Variants in CACNA1B observed in about 807,000 individuals in gnomAD.
CACNA1B encodes the protein calcium voltage-gated channel subunit alpha1 B.
In CACNA1B, 70 loss-of-function variants were observed where a neutral mutation model predicts 247.2. The ratio of observed to expected loss-of-function variants is 0.28; its 90% CI spans 0.23 to 0.35. The LOEUF is 0.35. CACNA1B is among the 10% of genes least tolerant of loss of function. The pLI is 1.00. For synonymous variants in CACNA1B, 1,231 were observed against 1,294.4 expected, an observed-to-expected ratio of 0.95 and a Z score of 1.05; for missense variants, 2,367 against 3,197.4, an observed-to-expected ratio of 0.74 and a Z score of 6.26.
In CACNA1B at chr9:137,917,531, C is replaced by T. The variant is rs1957425798; in HGVS notation, c.966+100C>T. 8.7e-6 allele frequency: 9 copies of T among 1,035,966 alleles called. No individual in the cohort carries two copies. Among genetic ancestry groups the T allele is most frequent in the Non-Finnish European group, 1.2e-5 (8 of 694,678 alleles). 64.2% of individuals were successfully genotyped at this position (1,035,966 alleles called of 1,614,324 possible). ...AGGGGGGCCCTTCTGACCTCAGAGC[C>T]TCTGCCCAGCCCTAGGCTCCTCCCT... On this transcript the variant is annotated intron_variant, in intron 6 of 46. Transcript: ENST00000371372. The surrounding 1 kb of genome is among the most constrained non-coding windows in gnomAD (Gnocchi z 5.5).
Position 137,881,495 on chromosome 9 carries a change from G to A in CACNA1B, c.391-1249G>A, listed in dbSNP as rs1002046481. ...CAGCCCAGCAGCTGCTTCTTCCTGT[G>A]ACTTCCACAGTCCTGAAGACGAACC... On this transcript the variant is annotated intron_variant, in intron 2 of 46. Transcript: ENST00000371372. This position sits in a 1 kb window ranked among gnomAD's most constrained non-coding sequence, Gnocchi z 4.3. Among the ~76,000 whole-genome samples, 7 of 152,160 alleles carry A rather than the reference G, an allele frequency of 4.6e-5. No homozygotes were observed. Among genetic ancestry groups the A allele is most frequent in the African/African-American group, 1.4e-4 (6 of 41,422 alleles).
At chr9:138,111,340 G>A (rs376973808) in intron 39 of CACNA1B, among the ~76,000 whole-genome samples, 1 of 152,220 alleles carries the variant, frequency 6.6e-6, no homozygotes, top group South Asian at 2.1e-4. Flanking sequence ...CTACAGTTGC[G>A]TGTGGCAATG....
intron 10 of CACNA1B, among the ~76,000 whole-genome samples, chr9:137,963,380 A>G (rs561755462): frequency 6.6e-6 from 1 of 152,216 alleles, no homozygotes; most frequent in South Asian, 2.1e-4. Context: ...GCCTATTTAC[A>G]TTTAAAGTTA....
chr9:137,922,492 T>TG (rs1957498763), intron 6 of CACNA1B, among the ~76,000 whole-genome samples: 2 of 152,108 alleles, frequency 1.3e-5, no homozygotes, highest in Admixed American at 1.3e-4. Context: ...CCCGGACTGT[T>TG]GCGTTTGATA....
At chr9:137,934,853 T>C (rs145056722) in intron 6 of CACNA1B, among the ~76,000 whole-genome samples, 3,032 of 152,200 alleles carry the variant, frequency 0.02, 71 homozygotes, top group African/African-American at 0.054. Flanking sequence ...AGACCTTCCC[T>C]CTGACAGAGC....
At chr9:138,053,134 G>C (rs748817433) in intron 25 of CACNA1B, among the ~76,000 whole-genome samples, 6 of 152,226 alleles carry the variant, frequency 3.9e-5, no homozygotes, top group Admixed American at 6.5e-5. Context: ...TGCCCAAATT[G>C]CTTCCCTGAT....
chr9:138,008,856 G>A (rs993564470), intron 16 of CACNA1B, among the ~76,000 whole-genome samples: 2 of 152,236 alleles, frequency 1.3e-5, no homozygotes, highest in Admixed American at 6.5e-5. Flanking sequence ...TCAAGTGGAC[G>A]GAGACCAAGG....
At chr9:138,036,630 C>G (rs181172156) in intron 20 of CACNA1B, among the ~76,000 whole-genome samples, 1 of 152,298 alleles carries the variant, frequency 6.6e-6, no homozygotes, top group Admixed American at 6.5e-5. Context: ...AGAAGCCAGT[C>G]ATTCGTCTAA....
intron 3 of CACNA1B, among the ~76,000 whole-genome samples, chr9:137,884,962 C>CA (rs879267488): frequency 2.8e-5 from 3 of 109,086 alleles, no homozygotes; most frequent in Non-Finnish European, 4.1e-5. Flanking sequence ...CCTCTTCCCC[C>CA]CCCCCCTCCT....
At chr9:137,897,052 G>A (rs546247471) in intron 3 of CACNA1B, among the ~76,000 whole-genome samples, 1 of 152,170 alleles carries the variant, frequency 6.6e-6, no homozygotes, top group South Asian at 2.1e-4. Context: ...AGTCTTGCTG[G>A]AAATTTGTCA....
At chr9:138,094,740 T>C (rs74850267) in intron 36 of CACNA1B, among the ~76,000 whole-genome samples, 23 of 152,160 alleles carry the variant, frequency 1.5e-4, no homozygotes, top group Non-Finnish European at 2.9e-4. Context: ...GATAGATACA[T>C]AGGCCAATTA....
In CACNA1B at chr9:138,118,078, A is replaced by C. The variant is rs1961934326; in HGVS notation, c.5910A>C (p.Ala1970=). The C allele has an allele frequency of 6.5e-7, 1 of 1,529,530 alleles. No homozygotes were observed. The allele number at this position is 1,529,530 out of a possible 1,614,324, so 94.7% of individuals were successfully genotyped here. A position where few individuals can be genotyped will look rare whatever the true frequency, so the allele number is the denominator to read the frequency against. Residue 1970 remains alanine, a synonymous_variant, in exon 43 of 47, where the codon GCA becomes GCC. Coordinates refer to ENST00000371372, the MANE Select transcript of CACNA1B (RefSeq NM_000718.4). ...STEIPVGRSG[A]LAVDVQMQSI... ...AGATCCCTGTGGGGCGGTCAGGAGC[A>C]CTGGTGAGCACTCCCGGGGGCTAGT...
chr9:137,995,381 A>G (rs1257566209), intron 15 of CACNA1B, among the ~76,000 whole-genome samples: 1 of 152,208 alleles, frequency 6.6e-6, no homozygotes, highest in Non-Finnish European at 1.5e-5. Context: ...ATCAACCCAA[A>G]TACTTACAGC....
chr9:137,967,404 C>A (rs1260375720), intron 10 of CACNA1B, among the ~76,000 whole-genome samples: 1 of 152,228 alleles, frequency 6.6e-6, no homozygotes, highest in Non-Finnish European at 1.5e-5. Context: ...AGACTGCCCC[C>A]ACAGGCTCCC....
chr9:138,084,522 A>G (rs1434892617), intron 36 of CACNA1B, among the ~76,000 whole-genome samples: 2 of 151,294 alleles, frequency 1.3e-5, no homozygotes, highest in Non-Finnish European at 2.9e-5. Context: ...GGGAGACTAT[A>G]CCACTGCACC....
chr9:138,113,569 A>G (rs1273225787), intron 40 of CACNA1B, among the ~76,000 whole-genome samples: 3 of 140,854 alleles, frequency 2.1e-5, no homozygotes, highest in Non-Finnish European at 4.6e-5. Flanking sequence ...AAGGTGCCCA[A>G]CTGCATCTTG....
At chr9:137,906,758 G>A (rs1278625489) in intron 3 of CACNA1B, among the ~76,000 whole-genome samples, 1 of 151,956 alleles carries the variant, frequency 6.6e-6, no homozygotes, top group East Asian at 1.9e-4. Flanking sequence ...CTGCATCCCT[G>A]TGTGATGTCT....
chr9:137,950,418 G>A lies in CACNA1B; in HGVS notation c.967-1856G>A, dbSNP rs143535658. 4.4e-3 allele frequency among the ~76,000 whole-genome samples: 675 copies of A among 152,326 alleles called. 5 individuals carry two copies. Among genetic ancestry groups the A allele is most frequent in the African/African-American group, 0.015 (632 of 41,582 alleles). On this transcript the variant is annotated intron_variant, in intron 6 of 46. Coordinates refer to ENST00000371372, the MANE Select transcript of CACNA1B (RefSeq NM_000718.4). This position sits in a 1 kb window ranked among gnomAD's most constrained non-coding sequence, Gnocchi z 4.8. ...GTCCCGTGTGGTCTTCACTAGTACC[G>A]CGGAGGTGGGCTTGGGCTGGGGGGC...
At chr9:137,987,100 A>G (rs1006239747) in intron 15 of CACNA1B, among the ~76,000 whole-genome samples, 3 of 152,190 alleles carry the variant, frequency 2.0e-5, no homozygotes, top group African/African-American at 7.2e-5. Flanking sequence ...TGTAGGGAGC[A>G]AGTGTAGTTC....
Sources: allele counts gnomAD v4.1 joint callset (sites outside exome capture counted in the v4.1 genomes callset), GRCh38; gene constraint gnomAD v4.1.1; non-coding constraint Gnocchi (gnomAD v3.1); transcripts MANE v1.5; gene names NCBI Gene and HGNC (gene_info 2026-07-23, HGNC 2026-07-21).